The following CRB1 variants were observed in gnomAD, a reference collection of about 807,000 sequenced individuals.
CRB1 encodes crumbs cell polarity complex component 1.
A neutral mutation model predicts 120.0 loss-of-function variants in CRB1; 83 were observed. That is an observed-to-expected ratio of 0.69 (90% CI 0.58 to 0.83). The LOEUF (loss-of-function observed/expected upper bound fraction) is 0.83. Ranked by LOEUF, CRB1 falls within the 40% of genes least tolerant of loss-of-function variation. The pLI, the probability that CRB1 is intolerant of heterozygous loss-of-function variation, is 0.00. For synonymous variants in CRB1, 625 were observed against 612.5 expected (o/e 1.02, Z -0.30); for missense variants, 1,699 against 1,687.6 (o/e 1.01, Z -0.12).
At position 197,349,516 on chromosome 1, in the gene CRB1, G is replaced by GTC. The variant is rs1231477299; in HGVS notation, c.988+2046_988+2047dup. ...AGTTATATAAGCTTACTGATCATCT[G>GTC]TCTCTCTCTCCCCACTAACTTTATT... On this transcript the variant is annotated intron_variant, in intron 4 of 11. Coordinates refer to ENST00000367400, the MANE Select transcript of CRB1 (RefSeq NM_201253.3). Among the ~76,000 whole-genome samples the GTC allele has an allele frequency of 3.9e-5, 6 of 152,212 alleles. No homozygotes were observed. The East Asian group carries it at 7.7e-4, about 20-fold the overall frequency.
chr1:197,323,403 A>C (rs1462091443), intron 1 of CRB1, among the ~76,000 whole-genome samples: 1 of 152,182 alleles, frequency 6.6e-6, no homozygotes, highest in East Asian at 1.9e-4. Context: ...ATGGAGCGGG[A>C]AAAAACTTTT....
intron 1 of CRB1, among the ~76,000 whole-genome samples, chr1:197,278,029 C>T (rs150803123): frequency 3.3e-5 from 5 of 152,056 alleles, no homozygotes; most frequent in African/African-American, 9.6e-5. Flanking sequence ...GTTCCCACCA[C>T]GTACTGTGTG....
intron 5 of CRB1, among the ~76,000 whole-genome samples, chr1:197,408,405 A>G (rs903356861): frequency 6.6e-6 from 1 of 152,226 alleles, no homozygotes; most frequent in Non-Finnish European, 1.5e-5. Context: ...ATTTTAATAC[A>G]ACCATTTATG....
At chr1:197,378,082 G>A (rs1661740405) in intron 5 of CRB1, among the ~76,000 whole-genome samples, 1 of 152,208 alleles carries the variant, frequency 6.6e-6, no homozygotes, top group Non-Finnish European at 1.5e-5. Context: ...TTGTTGACAT[G>A]TAAGTTTTCT....
At chr1:197,442,608 T>A (rs1229428048) in intron 11 of CRB1, 3 of 1,240,186 alleles carry the variant, frequency 2.4e-6, no homozygotes, top group East Asian at 5.3e-5. Context: ...ATTCTAACTT[T>A]AAATATGAAA....
intron 1 of CRB1, among the ~76,000 whole-genome samples, chr1:197,276,925 G>C (rs1359472769): frequency 6.6e-6 from 1 of 151,848 alleles, no homozygotes; most frequent in East Asian, 1.9e-4. Context: ...TTTAAAACAA[G>C]TTTGTCAGAT....
chr1:197,256,284 GTCTTGT>G, the CRB1 span, among the ~76,000 whole-genome samples: 2 of 151,480 alleles, frequency 1.3e-5, no homozygotes, highest in African/African-American at 2.4e-5. Context: ...CTTTTTCTTG[GTCTTGT>G]TCTTTTAGAT....
the CRB1 span, among the ~76,000 whole-genome samples, chr1:197,252,535 ATT>A: frequency 5.9e-5 from 3 of 50,726 alleles, no homozygotes; most frequent in African/African-American, 1.2e-4. Flanking sequence ...AAGCCAATAG[ATT>A]TTATATATAT....
At chr1:197,325,375 TTAGCAAAACA>T (rs1658433765) in intron 1 of CRB1, among the ~76,000 whole-genome samples, 1 of 152,200 alleles carries the variant, frequency 6.6e-6, no homozygotes, top group Admixed American at 6.5e-5. Context: ...TTACATTTCA[TTAGCAAAACA>T]TAGCAAATGT....
rs1214577970 is a variant in CRB1 at position 197,421,917 on chromosome 1, G to T, written c.2089G>T (p.Asp697Tyr). Residue 697 changes from aspartate (D) to tyrosine (Y), a missense_variant, in exon 6 of 12, where the codon GAC becomes TAC. Transcript: ENST00000367400. ...CINLWLSYQC[D>Y]CHRPYEGPNC... ...CAACTTGTGGCTGAGTTACCAGTGT[G>T]ACTGCCACAGGCCCTATGAAGGCCC... 6.2e-7 allele frequency: 1 copy of T among 1,614,168 alleles called. No homozygotes were observed. The highest frequency in any genetic ancestry group is 8.5e-7 in the Non-Finnish European group (1 of 1,180,040).
chr1:197,268,342 G>T lies in CRB1; in HGVS notation c.-71G>T. The T allele has an allele frequency of 8.8e-7, 1 of 1,134,926 alleles. No homozygotes were observed. The highest frequency in any genetic ancestry group is 1.3e-6 in the Non-Finnish European group (1 of 743,706). 70.3% of individuals were successfully genotyped at this position (1,134,926 alleles called of 1,614,324 possible). On this transcript the variant is annotated 5_prime_UTR_variant, in exon 1 of 12. Coordinates refer to ENST00000367400, the MANE Select transcript of CRB1 (RefSeq NM_201253.3). The stretch of plus-strand genomic sequence containing the variant: ...GAGGCACCCGCTCCTCTCTGAGACA[G>T]ACAGGGATCAGGAGCCGGACTGGGA...
upstream of CRB1, among the ~76,000 whole-genome samples, chr1:197,265,898 GA>G (rs750393151): frequency 1.7e-4 from 26 of 152,230 alleles, no homozygotes; most frequent in Non-Finnish European, 3.2e-4. Flanking sequence ...ATTGCTGCTA[GA>G]TTTATCTTTC....
At chr1:197,210,927 TA>T in the CRB1 span, among the ~76,000 whole-genome samples, 2 of 152,166 alleles carry the variant, frequency 1.3e-5, no homozygotes, top group African/African-American at 4.8e-5. Flanking sequence ...AGTTTATTTC[TA>T]AAGATGAAAA....
chr1:197,456,547 T>C (rs1571604475), intron 11 of CRB1, among the ~76,000 whole-genome samples: 1 of 152,128 alleles, frequency 6.6e-6, no homozygotes, highest in African/African-American at 2.4e-5. Context: ...CACCACTTTG[T>C]TGATGACAGT....
chr1:197,477,697 A>C lies in CRB1; in HGVS notation c.4039A>C (p.Thr1347Pro). 3 of 1,613,734 alleles carry C rather than the reference A, an allele frequency of 1.9e-6. No homozygotes were observed. The highest frequency in any genetic ancestry group is 2.5e-6 in the Non-Finnish European group (3 of 1,179,834). ...TGACTTGATCTCCGACATTTTCACC[A>C]CTATTGGCTCAGTGACTGTCGCCTT... ...ADDLISDIFT[T>P]IGSVTVALLL... Residue 1347 changes from threonine to proline, a missense_variant, in exon 12 of 12, where the codon ACT becomes CCT. Transcript: ENST00000367400.
chr1:197,429,554 T>C lies in CRB1; in HGVS notation c.2782T>C (p.Cys928Arg). 1 of 1,614,006 alleles carries C rather than the reference T, an allele frequency of 6.2e-7. No homozygotes were observed. Among genetic ancestry groups the C allele is most frequent in the Middle Eastern group, 1.7e-4 (1 of 6,060 alleles). The stretch of plus-strand genomic sequence containing the variant: ...GAAAGCCTGTGAGGAGGTTCAGTGG[T>C]GTGGATTCAGCCCGTGTCCTCACGG... ...SGKACEEVQW[C>R]GFSPCPHGAQ... The change falls in exon 8 of 12, where the codon TGT (cysteine) becomes CGT (arginine). Residue 928 changes from cysteine to arginine, a missense_variant. Transcript: ENST00000367400.
At position 197,375,669 on chromosome 1, in the gene CRB1, T is replaced by C. The variant is rs186180958; in HGVS notation, c.1171+18656T>C. Among the ~76,000 whole-genome samples the C allele has an allele frequency of 7.9e-5, 12 of 152,332 alleles. No individual in the cohort carries two copies. The South Asian group carries it at 1.0e-3, about 13-fold the overall frequency. ...ACTTTTCCATTACAACATTCCCACCTGAAGTTTACTTATGCATGGCACCCT... is the reference window on the plus strand; with the variant it reads ...ACTTTTCCATTACAACATTCCCACCCGAAGTTTACTTATGCATGGCACCCT... On this transcript the variant is annotated intron_variant, in intron 5 of 11. Transcript: ENST00000367400.
chr1:197,201,851 A>T, the CRB1 span, among the ~76,000 whole-genome samples: 9,554 of 152,202 alleles, frequency 0.063, 1,028 homozygotes, highest in African/African-American at 0.22. Flanking sequence ...AAGAAAAAAA[A>T]TTTTATACCT....
intron 11 of CRB1, among the ~76,000 whole-genome samples, chr1:197,469,909 T>C (rs1666908443): frequency 6.6e-6 from 1 of 152,122 alleles, no homozygotes; most frequent in Non-Finnish European, 1.5e-5. Context: ...AAAGGAATAA[T>C]GCTCGTGTCT....
Sources: gnomAD v4.1 joint callset for allele counts (sites outside exome capture counted in the v4.1 genomes callset) on GRCh38, gnomAD v4.1.1 for gene constraint, MANE v1.5 for transcripts, NCBI Gene and HGNC (gene_info 2026-07-23, HGNC 2026-07-21) for gene names.